The following PCDH11X variants were observed in gnomAD, a reference collection of about 807,000 sequenced individuals.
The protein encoded by PCDH11X is protocadherin 11 X-linked, also known as protocadherin-11 X-linked.
A neutral mutation model predicts 53.3 loss-of-function variants in PCDH11X; 18 were observed. The observed-to-expected ratio is 0.34, with a 90% CI of 0.23 to 0.50. PCDH11X has a LOEUF of 0.50. Among genes scored for constraint, PCDH11X ranks in the 20% least tolerant of loss-of-function variants. The probability of loss-of-function intolerance (pLI) is 0.98; values close to 1 mark genes in which losing one functional copy is unlikely to be tolerated. For synonymous variants in PCDH11X, 279 were observed against 393.3 expected (o/e 0.71, Z 3.44); for missense variants, 570 against 1,032.4 (o/e 0.55, Z 6.14).
At position 92,083,788 on chromosome X, in the gene PCDH11X, A is replaced by G. The variant is rs1348983826; in HGVS notation, c.3034-117587A>G. On this transcript the variant is annotated intron_variant, in intron 6 of 10. Coordinates refer to ENST00000682573, the MANE Select transcript of PCDH11X (RefSeq NM_032968.5). Reference sequence around the variant, plus strand: ...AAAATCTGGATATATGATAACTATAACTCTATAAAAAGCATCTTAGAGCCA... The same window carrying G: ...AAAATCTGGATATATGATAACTATAGCTCTATAAAAAGCATCTTAGAGCCA... Among the ~76,000 whole-genome samples the G allele has an allele frequency of 2.7e-5, 3 of 111,092 alleles. No individual in the cohort carries two copies. The Admixed American group carries it at 2.9e-4, about 11-fold the overall frequency.
intron 4 of PCDH11X, among the ~76,000 whole-genome samples, chrX:91,833,293 G>A (rs1289878542): frequency 9.0e-6 from 1 of 111,410 alleles, no homozygotes; most frequent in East Asian, 2.8e-4. Flanking sequence ...TAGATTCACA[G>A]CATATAGAAT....
chrX:92,524,773 G>T (rs1256748431), intron 10 of PCDH11X, among the ~76,000 whole-genome samples: 1 of 111,295 alleles, frequency 9.0e-6, no homozygotes, highest in Non-Finnish European at 1.9e-5. Context: ...ACTAACTAAA[G>T]TTAACTTAAT....
At chrX:92,458,019 A>G (rs912869898) in intron 9 of PCDH11X, among the ~76,000 whole-genome samples, 19 of 110,480 alleles carry the variant, frequency 1.7e-4, no homozygotes, top group Non-Finnish European at 1.3e-4. Context: ...TAGTATTAAT[A>G]TAAGTATAGA....
chrX:92,568,808 C>T (rs751582821), intron 10 of PCDH11X, among the ~76,000 whole-genome samples: 1 of 110,878 alleles, frequency 9.0e-6, no homozygotes, highest in Admixed American at 9.6e-5. Context: ...GAAACCCAGC[C>T]AGTTACAGGA....
chrX:92,069,224 A>G (rs1042437276), intron 6 of PCDH11X, among the ~76,000 whole-genome samples: 6 of 109,926 alleles, frequency 5.5e-5, no homozygotes, highest in African/African-American at 2.0e-4. Context: ...TCATTGTATA[A>G]TGACCATTAT....
intron 6 of PCDH11X, among the ~76,000 whole-genome samples, chrX:91,920,750 A>T (rs1187431901): frequency 3.6e-5 from 4 of 110,124 alleles, no homozygotes; most frequent in Non-Finnish European, 7.6e-5. Flanking sequence ...AAATCCCTCT[A>T]TTTTTTCTCT....
intron 10 of PCDH11X, among the ~76,000 whole-genome samples, chrX:92,521,292 A>G (rs900843875): frequency 2.7e-5 from 3 of 112,238 alleles, no homozygotes; most frequent in African/African-American, 9.7e-5. Flanking sequence ...TATAGAATGA[A>G]TGTTGTGTTA....
intron 10 of PCDH11X, among the ~76,000 whole-genome samples, chrX:92,612,966 T>C (rs1421987601): frequency 1.8e-5 from 2 of 109,201 alleles, no homozygotes; most frequent in East Asian, 5.8e-4. Context: ...CTGTAGATCT[T>C]TCTCTAGATC....
At chrX:92,452,461 G>GTA (rs1307850911) in intron 9 of PCDH11X, among the ~76,000 whole-genome samples, 4 of 39,866 alleles carry the variant, frequency 1.0e-4, no homozygotes, top group East Asian at 7.3e-4. Flanking sequence ...ATGTGTGTGT[G>GTA]TGTATATATA....
At chrX:92,459,861 G>A (rs2072996976) in intron 9 of PCDH11X, 2 of 1,101,800 alleles carry the variant, frequency 1.8e-6, no homozygotes, top group Admixed American at 2.2e-5. Flanking sequence ...GCCTGGCCGC[G>A]GGGATGGCTG....
At chrX:92,213,538 T>G (rs2066630110) in intron 7 of PCDH11X, among the ~76,000 whole-genome samples, 1 of 111,891 alleles carries the variant, frequency 8.9e-6, no homozygotes, top group Non-Finnish European at 1.9e-5. Context: ...TGTCCTCTAT[T>G]CTTATATTTA....
chrX:91,900,387 G>C (rs1940910565), intron 6 of PCDH11X, among the ~76,000 whole-genome samples: 1 of 110,699 alleles, frequency 9.0e-6, no homozygotes, highest in Non-Finnish European at 1.9e-5. Flanking sequence ...CTTCTAGTAG[G>C]TTACTAGGGG....
At chrX:92,477,852 T>G (rs1336336062) in intron 10 of PCDH11X, among the ~76,000 whole-genome samples, 1 of 104,612 alleles carries the variant, frequency 9.6e-6, no homozygotes, top group Non-Finnish European at 1.9e-5. Context: ...CTAATTGTGT[T>G]TATTTGGAAC....
intron 6 of PCDH11X, among the ~76,000 whole-genome samples, chrX:91,965,364 T>G (rs1352470452): frequency 2.7e-5 from 3 of 110,225 alleles, no homozygotes; most frequent in African/African-American, 1.0e-4. Context: ...TGTATTATTT[T>G]TGTATGTCAA....
At chrX:92,508,513 G>A (rs1387262080) in intron 10 of PCDH11X, among the ~76,000 whole-genome samples, 1 of 111,646 alleles carries the variant, frequency 9.0e-6, no homozygotes, top group Non-Finnish European at 1.9e-5. Flanking sequence ...GAGCCACTGT[G>A]CCTGGCCAAA....
intron 6 of PCDH11X, among the ~76,000 whole-genome samples, chrX:92,174,235 A>C (rs2065869802): frequency 9.1e-6 from 1 of 110,076 alleles, no homozygotes; most frequent in South Asian, 3.9e-4. Flanking sequence ...AAAAGAAAAA[A>C]AAACCTCATA....
intron 10 of PCDH11X, among the ~76,000 whole-genome samples, chrX:92,493,952 G>A (rs951113187): frequency 9.2e-6 from 1 of 109,012 alleles, no homozygotes; most frequent in Non-Finnish European, 1.9e-5. Context: ...CGGCTGCTCC[G>A]TTAATTTTTA....
intron 5 of PCDH11X, among the ~76,000 whole-genome samples, chrX:91,869,903 A>T (rs1237765996): frequency 8.9e-6 from 1 of 111,998 alleles, no homozygotes; most frequent in Non-Finnish European, 1.9e-5. Flanking sequence ...TGTGAGCACA[A>T]GCAAATGAAA....
chrX:91,993,058 T>C (rs1427171282), intron 6 of PCDH11X, among the ~76,000 whole-genome samples: 1 of 110,813 alleles, frequency 9.0e-6, no homozygotes, highest in East Asian at 2.9e-4. Flanking sequence ...AATACAAGAG[T>C]GAAAAAAAGT....
Sources: allele counts gnomAD v4.1 joint callset (sites outside exome capture counted in the v4.1 genomes callset), GRCh38; gene constraint gnomAD v4.1.1; transcripts MANE v1.5; gene names NCBI Gene and HGNC (gene_info 2026-07-23, HGNC 2026-07-21).